The following LRRC4B variants were observed in gnomAD, a reference collection of about 807,000 sequenced individuals.
LRRC4B encodes the protein leucine rich repeat containing 4B, also known as leucine-rich repeat-containing protein 4B.
A neutral mutation model predicts 7.3 loss-of-function variants in LRRC4B; 1 was observed. The observed-to-expected ratio is 0.14, with a 90% CI of 0.05 to 0.65. The LOEUF is 0.65. LRRC4B is among the 30% of genes least tolerant of loss of function. The pLI, the probability that LRRC4B is intolerant of heterozygous loss-of-function variation, is 0.84. For synonymous variants in LRRC4B, 500 were observed against 499.2 expected, an observed-to-expected ratio of 1.00 and a Z score of -0.02; for missense variants, 730 against 1,041.6, an observed-to-expected ratio of 0.70 and a Z score of 4.12.
At chr19:50,559,874 C>T (rs1982408646) in intron 1 of LRRC4B, among the ~76,000 whole-genome samples, 1 of 152,250 alleles carries the variant, frequency 6.6e-6, no homozygotes, top group Non-Finnish European at 1.5e-5. Flanking sequence ...TGGCTCACGC[C>T]TGTAATCCCA....
Position 50,552,598 on chromosome 19 carries a change from A to ATCTGTCTG in LRRC4B, c.-35-3726_-35-3725insCAGACAGA, listed in dbSNP as rs1439375838. On this transcript the variant is annotated intron_variant, in intron 1 of 2. Transcript: ENST00000652263. ...CATCCGTCCATCCATCTGTCCATCC[A>ATCTGTCTG]TCCATCCATCCATCCATCCATCCAT... is the stretch of plus-strand genomic sequence containing the variant. Among the ~76,000 whole-genome samples the ATCTGTCTG allele has an allele frequency of 1.7e-3, 188 of 109,338 alleles. 1 individual carries two copies. The highest frequency in any genetic ancestry group is 7.1e-3 in the African/African-American group (178 of 25,070). The allele number at this position is 109,338 out of a possible 152,430, so 71.7% of individuals were successfully genotyped here.
At chr19:50,565,033 C>T (rs979746081) in intron 1 of LRRC4B, among the ~76,000 whole-genome samples, 1 of 152,178 alleles carries the variant, frequency 6.6e-6, no homozygotes, top group Admixed American at 6.5e-5. Context: ...CTGCTGACCT[C>T]TCGGACGGCG....
At chr19:50,566,513 TAGG>T (rs1343341843) in intron 1 of LRRC4B, among the ~76,000 whole-genome samples, 1 of 137,132 alleles carries the variant, frequency 7.3e-6, no homozygotes, top group Admixed American at 7.4e-5. Flanking sequence ...GGAGGGCGCC[TAGG>T]AGGAGAGCAG....
rs1183957145 is a variant in LRRC4B, at chr19:50,548,894, G to C, written c.-35-21C>G. The C allele has an allele frequency of 6.8e-6, 8 of 1,183,822 alleles. No individual in the cohort carries two copies. The highest frequency in any genetic ancestry group is 9.2e-6 in the Non-Finnish European group (8 of 871,326). 73.3% of individuals were successfully genotyped at this position (1,183,822 alleles called of 1,614,324 possible). On this transcript the variant is annotated intron_variant, in intron 1 of 2. Coordinates refer to ENST00000652263, the MANE Select transcript of LRRC4B (RefSeq NM_001080457.2). The surrounding 1 kb of genome is among the most constrained non-coding windows in gnomAD (Gnocchi z 6.8). ...GGGGGCTGTGGGTGGGGGAGAGAAG[G>C]GGGAGAGGCTTGGTGAGGGACAGGA...
chr19:50,524,862 G>A (rs1980733451), intron 2 of LRRC4B, among the ~76,000 whole-genome samples: 1 of 152,206 alleles, frequency 6.6e-6, no homozygotes, highest in South Asian at 2.1e-4. Flanking sequence ...CCTGTGAGAT[G>A]CTGCGGGTTT....
chr19:50,520,233 A>AAAAAAAAAAAAAAAAC (rs1980508490), intron 2 of LRRC4B, among the ~76,000 whole-genome samples: 1 of 67,978 alleles, frequency 1.5e-5, no homozygotes, highest in African/African-American at 6.2e-5. Context: ...AAAAAAAAAA[A>AAAAAAAAAAAAAAAAC]AAAAAAAAAA....
intron 1 of LRRC4B, among the ~76,000 whole-genome samples, chr19:50,562,751 T>G (rs1364767343): frequency 1.3e-5 from 2 of 150,954 alleles, no homozygotes; most frequent in East Asian, 3.9e-4. Flanking sequence ...TGTTTTTTTT[T>G]TTTTGGCGAT....
intron 1 of LRRC4B, among the ~76,000 whole-genome samples, chr19:50,549,497 G>A (rs1376151677): frequency 3.9e-5 from 6 of 151,964 alleles, no homozygotes; most frequent in Non-Finnish European, 5.9e-5. Context: ...AAGACCCTCC[G>A]CTGCACACCC....
Position 50,526,830 on chromosome 19 carries a change from G to A in LRRC4B, c.298-7415C>T, listed in dbSNP as rs916216622. Among the ~76,000 whole-genome samples the A allele has an allele frequency of 2.0e-5, 3 of 151,944 alleles. No homozygotes were observed. In the East Asian group the frequency reaches 5.8e-4, roughly 29 times the overall value. On this transcript the variant is annotated intron_variant, in intron 2 of 2. Transcript: ENST00000652263. Reference sequence around the variant, plus strand: ...CAATTTTTTCTATGCATATTATGCAGGGATATATTTTTTCATTATCTTTTA... The same window carrying A: ...CAATTTTTTCTATGCATATTATGCAAGGATATATTTTTTCATTATCTTTTA...
chr19:50,518,809 G>A lies in LRRC4B; in HGVS notation c.904C>T (p.Arg302Cys), dbSNP rs1257772757. 21 of 1,614,118 alleles carry A rather than the reference G, an allele frequency of 1.3e-5. No homozygotes were observed. The highest frequency in any genetic ancestry group is 2.2e-5 in the East Asian group (1 of 44,878). The change falls in exon 3 of 3, where the codon CGC becomes TGC. Residue 302 changes from arginine (R) to cysteine (C), a missense_variant. This residue lies in a region of LRRC4B where 226 missense variants were observed against 448.0 expected (regional missense o/e 0.50). Transcript: ENST00000652263. ...TGGTTGAGGTGCACGCGCTCGAGGC[G>A]GTGCAGGGGCGTGAAGAGGTCGTGG... ...LPHDLFTPLHRLERVHLNHNP... is the reference protein window; with the variant it reads ...LPHDLFTPLHCLERVHLNHNP...
chr19:50,565,325 G>T (rs1327086562), intron 1 of LRRC4B, among the ~76,000 whole-genome samples: 3 of 152,216 alleles, frequency 2.0e-5, no homozygotes, highest in Non-Finnish European at 2.9e-5. Context: ...ACAAGGCAAG[G>T]GCCTCCTGCC....
intron 2 of LRRC4B, among the ~76,000 whole-genome samples, chr19:50,532,260 C>CA (rs1190716537): frequency 1.3e-5 from 2 of 151,838 alleles, no homozygotes; most frequent in African/African-American, 2.4e-5. Flanking sequence ...AAAACAAAAA[C>CA]AAAAAAACAA....
chr19:50,527,183 C>T (rs1980847160), intron 2 of LRRC4B, among the ~76,000 whole-genome samples: 1 of 151,920 alleles, frequency 6.6e-6, no homozygotes, highest in South Asian at 2.1e-4. Flanking sequence ...CAGGCACCCG[C>T]CACCACTCCC....
chr19:50,535,091 A>G (rs1261176139), intron 2 of LRRC4B, among the ~76,000 whole-genome samples: 7 of 151,996 alleles, frequency 4.6e-5, no homozygotes, highest in Non-Finnish European at 7.4e-5. Context: ...GATGGTCTCG[A>G]TCTCCTGACC....
chr19:50,536,137 C>CT (rs36120704), intron 2 of LRRC4B, among the ~76,000 whole-genome samples: 13,992 of 144,870 alleles, frequency 0.097, 698 homozygotes, highest in Middle Eastern at 0.15. Flanking sequence ...GTTTACCTTC[C>CT]TTTTTTTTTT....
chr19:50,566,307 G>T (rs772085559), intron 1 of LRRC4B, among the ~76,000 whole-genome samples: 6 of 151,798 alleles, frequency 4.0e-5, no homozygotes, highest in Non-Finnish European at 8.8e-5. Flanking sequence ...CGGGACTTGG[G>T]ATGTGAGGCG....
Position 50,548,181 on chromosome 19 carries a change from G to C in LRRC4B, c.297+361C>G, listed in dbSNP as rs1013553980. ...CCTTCCCAAGGCCACGAGAGGGTGT[G>C]GTGGTGCAGATGCCACAGGGGTCCC... On this transcript the variant is annotated intron_variant, in intron 2 of 2. Transcript: ENST00000652263. This position sits in a 1 kb window ranked among gnomAD's most constrained non-coding sequence, Gnocchi z 6.8. Among the ~76,000 whole-genome samples the C allele has an allele frequency of 6.6e-6, 1 of 152,204 alleles. No homozygotes were observed. The highest frequency in any genetic ancestry group is 1.5e-5 in the Non-Finnish European group (1 of 68,036).
chr19:50,552,388 C>A (rs1982104342), intron 1 of LRRC4B, among the ~76,000 whole-genome samples: 1 of 152,098 alleles, frequency 6.6e-6, no homozygotes, highest in East Asian at 1.9e-4. Flanking sequence ...TCACCCCGTC[C>A]CGTGGCTGAG....
In LRRC4B at chr19:50,517,568, G is replaced by A. The variant is rs1024540892; in HGVS notation, c.*3C>T. ...CGCCCCTCGCCCGCCCGGCCCCGCCGCCTCAGATCTGCGTCTCTTGCACGT... is the reference window on the plus strand; with the variant it reads ...CGCCCCTCGCCCGCCCGGCCCCGCCACCTCAGATCTGCGTCTCTTGCACGT... On this transcript the variant is annotated 3_prime_UTR_variant, in exon 3 of 3. Coordinates refer to ENST00000652263, the MANE Select transcript of LRRC4B (RefSeq NM_001080457.2). The surrounding 1 kb of genome is among the most constrained non-coding windows in gnomAD (Gnocchi z 6.6). 6.3e-6 allele frequency: 9 copies of A among 1,420,862 alleles called. No homozygotes were observed. The East Asian group carries it at 1.4e-4, about 22-fold the overall frequency. The allele number at this position is 1,420,862 out of a possible 1,614,324, so 88.0% of individuals were successfully genotyped here. A position where few individuals can be genotyped will look rare whatever the true frequency, so the allele number is the denominator to read the frequency against.
Sources: allele counts gnomAD v4.1 joint callset (sites outside exome capture counted in the v4.1 genomes callset), GRCh38; gene constraint gnomAD v4.1.1; regional missense constraint gnomAD v4.1.1; non-coding constraint Gnocchi (gnomAD v3.1); transcripts MANE v1.5; gene names NCBI Gene and HGNC (gene_info 2026-07-23, HGNC 2026-07-21).